Variants in PCDH15 observed in about 807,000 individuals in gnomAD.
The protein encoded by PCDH15 is protocadherin related 15.
A neutral mutation model predicts 178.5 loss-of-function variants in PCDH15; 129 were observed. That is an observed-to-expected ratio of 0.72 (90% CI 0.63 to 0.84). PCDH15 has a LOEUF of 0.84. PCDH15 is among the 40% of genes least tolerant of loss of function. The probability of loss-of-function intolerance (pLI) is 0.00; values close to 1 mark genes in which losing one functional copy is unlikely to be tolerated. For synonymous variants in PCDH15, 800 were observed against 732.0 expected (o/e 1.09, Z -1.50); for missense variants, 2,230 against 2,099.9 (o/e 1.06, Z -1.21).
At chr10:55,306,305 T>A (rs544417411) in intron 1 of PCDH15, among the ~76,000 whole-genome samples, 1 of 152,316 alleles carries the variant, frequency 6.6e-6, no homozygotes, top group African/African-American at 2.4e-5. Flanking sequence ...AATGAAAACA[T>A]AAGTTTTATA....
intron 2 of PCDH15, among the ~76,000 whole-genome samples, chr10:54,586,175 G>T (rs1484167246): frequency 6.6e-6 from 1 of 151,998 alleles, no homozygotes; most frequent in Non-Finnish European, 1.5e-5. Flanking sequence ...TGGGATTTAG[G>T]GAAAGTGGAG....
chr10:53,876,918 C>A (rs2080289718), intron 26 of PCDH15, among the ~76,000 whole-genome samples: 1 of 152,040 alleles, frequency 6.6e-6, no homozygotes. Context: ...TTACAAAGAC[C>A]TTTACAGGGC....
At chr10:53,921,085 A>G (rs2083957173) in intron 25 of PCDH15, among the ~76,000 whole-genome samples, 2 of 152,188 alleles carry the variant, frequency 1.3e-5, no homozygotes, top group Admixed American at 6.5e-5. Context: ...TGCTTAATTA[A>G]TACTTGTAAA....
chr10:53,973,189 G>C (rs1453234558), intron 21 of PCDH15, among the ~76,000 whole-genome samples: 1 of 151,228 alleles, frequency 6.6e-6, no homozygotes, highest in African/African-American at 2.4e-5. Flanking sequence ...AGTATTGCAA[G>C]GACAGATAAC....
At chr10:54,084,449 G>C (rs1349041599) in intron 16 of PCDH15, among the ~76,000 whole-genome samples, 1 of 150,974 alleles carries the variant, frequency 6.6e-6, no homozygotes, top group African/African-American at 2.4e-5. Context: ...CTCCAGTCTG[G>C]GAGACAGAAC....
Position 54,765,624 on chromosome 10 carries a change from C to T in PCDH15, c.-29+35301G>A, listed in dbSNP as rs374846824. On this transcript the variant is annotated intron_variant, in intron 1 of 37. Coordinates refer to ENST00000644397, the MANE Select transcript of PCDH15 (RefSeq NM_001384140.1). ...TTACCTGTATTACAGTGAAAAATACCTAATGACCTTCTACAATGTGCCATT... is the reference window on the plus strand; with the variant it reads ...TTACCTGTATTACAGTGAAAAATACTTAATGACCTTCTACAATGTGCCATT... Among the ~76,000 whole-genome samples the T allele has an allele frequency of 8.6e-4, 131 of 152,122 alleles. 1 individual carries two copies. The highest frequency in any genetic ancestry group is 3.0e-3 in the African/African-American group (123 of 41,492).
In PCDH15 at chr10:55,355,567, AT is replaced by A. The variant is rs138684314; in HGVS notation, c.-155-188917del. ...GGTTAAGTGTCCCAGGTCTTTTCCA[AT>A]TTTTAAAAAACTGAATTTTTACTTT... On this transcript the variant is annotated intron_variant, in intron 2 of 5. Transcript: ENST00000613346. Among the ~76,000 whole-genome samples the A allele has an allele frequency of 5.1e-3, 779 of 151,956 alleles. 10 individuals carry two copies. Among genetic ancestry groups the A allele is most frequent in the African/African-American group, 0.018 (733 of 41,498 alleles).
intron 11 of PCDH15, among the ~76,000 whole-genome samples, chr10:54,187,767 A>G (rs567241131): frequency 1.3e-5 from 2 of 151,888 alleles, no homozygotes; most frequent in African/African-American, 4.8e-5. Context: ...TATAACATTT[A>G]CATTTATGTA....
At chr10:54,516,409 G>T (rs946217152) in intron 3 of PCDH15, among the ~76,000 whole-genome samples, 7 of 152,112 alleles carry the variant, frequency 4.6e-5, no homozygotes, top group Non-Finnish European at 1.0e-4. Flanking sequence ...ACTACGTGAA[G>T]AATGCAGAAG....
At chr10:54,056,670 C>A (rs1307631605) in intron 18 of PCDH15, among the ~76,000 whole-genome samples, 2 of 152,126 alleles carry the variant, frequency 1.3e-5, no homozygotes, top group African/African-American at 4.8e-5. Context: ...ATCCCATCCC[C>A]AGCCCCTCCC....
chr10:54,426,053 C>T (rs769959430), intron 3 of PCDH15, among the ~76,000 whole-genome samples: 5 of 152,100 alleles, frequency 3.3e-5, no homozygotes, highest in Non-Finnish European at 5.9e-5. Flanking sequence ...AGCTTTAGAA[C>T]TAGACATAAA....
At chr10:53,827,262 T>C (rs1317454867) in intron 32 of PCDH15, 131 bp downstream of exon 32, 1 of 1,286,924 alleles carries the variant, frequency 7.8e-7, no homozygotes. Flanking sequence ...TAACAAATTT[T>C]CTCTTGAAAA....
chr10:53,886,502 G>A (rs2081102987), intron 26 of PCDH15, among the ~76,000 whole-genome samples: 1 of 151,156 alleles, frequency 6.6e-6, no homozygotes, highest in South Asian at 2.1e-4. Flanking sequence ...AATCAACATT[G>A]ACTTAAATAA....
intron 2 of PCDH15, among the ~76,000 whole-genome samples, chr10:55,042,704 G>A (rs1403440547): frequency 6.6e-6 from 1 of 152,050 alleles, no homozygotes; most frequent in Non-Finnish European, 1.5e-5. Flanking sequence ...GTCTATCAGT[G>A]AATTTATGCA....
At chr10:54,266,884 C>G (rs2132406504) in intron 8 of PCDH15, among the ~76,000 whole-genome samples, 1 of 152,050 alleles carries the variant, frequency 6.6e-6, no homozygotes, top group South Asian at 2.1e-4. Flanking sequence ...CCTACTGAAA[C>G]TATTCCAAAA....
intron 1 of PCDH15, among the ~76,000 whole-genome samples, chr10:55,234,669 C>T (rs987124651): frequency 6.6e-6 from 1 of 151,980 alleles, no homozygotes; most frequent in Non-Finnish European, 1.5e-5. Flanking sequence ...ATGTGAGCCA[C>T]CATGCCTAGC....
At chr10:54,078,172 T>A (rs1590274581) in intron 17 of PCDH15, among the ~76,000 whole-genome samples, 2 of 152,186 alleles carry the variant, frequency 1.3e-5, no homozygotes, top group South Asian at 2.1e-4. Context: ...TTACTACAAC[T>A]GTTCTGTATA....
At chr10:55,197,305 T>C (rs1430843029) in intron 1 of PCDH15, among the ~76,000 whole-genome samples, 4 of 152,092 alleles carry the variant, frequency 2.6e-5, no homozygotes, top group Non-Finnish European at 5.9e-5. Flanking sequence ...GATATTTTTA[T>C]CTCTATTTAT....
intron 1 of PCDH15, among the ~76,000 whole-genome samples, chr10:55,290,945 C>T (rs1263076955): frequency 6.6e-6 from 1 of 152,074 alleles, no homozygotes; most frequent in Non-Finnish European, 1.5e-5. Flanking sequence ...CTGAAAAATT[C>T]TAAGTGTCTT....
Sources: allele counts gnomAD v4.1 joint callset (sites outside exome capture counted in the v4.1 genomes callset), GRCh38; gene constraint gnomAD v4.1.1; transcripts MANE v1.5; gene names NCBI Gene and HGNC (gene_info 2026-07-23, HGNC 2026-07-21).